The following CCNY variants were observed in gnomAD, a reference collection of about 807,000 sequenced individuals.
The protein encoded by CCNY is cyclin-Y.
A neutral mutation model predicts 42.8 loss-of-function variants in CCNY; 19 were observed. The observed-to-expected ratio is 0.44, with a 90% CI of 0.31 to 0.65. The LOEUF (loss-of-function observed/expected upper bound fraction) is 0.65, where lower values mean the gene tolerates loss of function less well. Among genes scored for constraint, CCNY ranks in the 30% least tolerant of loss-of-function variants. The pLI is 0.07. For synonymous variants in CCNY, 165 were observed against 162.7 expected, an observed-to-expected ratio of 1.01 and a Z score of -0.11; for missense variants, 370 against 437.3, an observed-to-expected ratio of 0.85 and a Z score of 1.37.
upstream of CCNY, among the ~76,000 whole-genome samples, chr10:35,333,821 C>T (rs888600820): frequency 1.3e-5 from 2 of 152,056 alleles, no homozygotes; most frequent in African/African-American, 4.8e-5. Context: ...CAAAGTGTCA[C>T]TGTGTGTCAG....
chr10:35,258,933 T>TG (rs2095717435), intron 3 of CCNY, among the ~76,000 whole-genome samples: 1 of 135,746 alleles, frequency 7.4e-6, no homozygotes, highest in East Asian at 2.1e-4. Flanking sequence ...GAGACTGTCT[T>TG]AAAAAAAAAA....
intron 1 of CCNY, among the ~76,000 whole-genome samples, chr10:35,360,950 TC>T (rs1278724924): frequency 6.6e-6 from 1 of 152,074 alleles, no homozygotes; most frequent in Non-Finnish European, 1.5e-5. Flanking sequence ...AGCCTCTGCC[TC>T]CCGGGTTTAA....
Position 35,336,933 on chromosome 10 carries a change from G to T in CCNY, c.-121G>T. 1 of 649,360 alleles carries T rather than the reference G, an allele frequency of 1.5e-6. No individual in the cohort carries two copies. Among genetic ancestry groups the T allele is most frequent in the Non-Finnish European group, 2.0e-6 (1 of 504,276 alleles). The allele number at this position is 649,360 out of a possible 1,614,324, so 40.2% of individuals were successfully genotyped here. A position where few individuals can be genotyped will look rare whatever the true frequency, so the allele number is the denominator to read the frequency against. On this transcript the variant is annotated 5_prime_UTR_variant, in exon 1 of 10. Coordinates refer to ENST00000374704, the MANE Select transcript of CCNY (RefSeq NM_145012.6). ...GCCGGCCGCCGTTCCGCCCCCTCCC[G>T]TGGCGGCGAGCGGGCGGGCCTCCCC...
At chr10:35,544,483 C>G (rs1564453073) in intron 7 of CCNY, among the ~76,000 whole-genome samples, 1 of 152,132 alleles carries the variant, frequency 6.6e-6, no homozygotes, top group East Asian at 1.9e-4. Context: ...TAAGTGCACT[C>G]TATGGTATTC....
intron 3 of CCNY, among the ~76,000 whole-genome samples, chr10:35,329,711 C>T (rs1456713724): frequency 6.6e-6 from 1 of 152,040 alleles, no homozygotes; most frequent in Non-Finnish European, 1.5e-5. Flanking sequence ...GGGACGAGGT[C>T]ACAGGAGTAA....
chr10:35,536,123 T>A (rs891980603), intron 7 of CCNY, among the ~76,000 whole-genome samples: 2 of 152,176 alleles, frequency 1.3e-5, no homozygotes, highest in African/African-American at 4.8e-5. Context: ...TGGTGGGAGA[T>A]AACTGAAACA....
Position 35,521,627 on chromosome 10 carries a change from C to T in CCNY, c.366-4337C>T, listed in dbSNP as rs115074888. Among the ~76,000 whole-genome samples, 510 of 152,316 alleles carry T rather than the reference C, an allele frequency of 3.3e-3. 4 individuals are homozygous for T. The highest frequency in any genetic ancestry group is 0.012 in the African/African-American group (489 of 41,564). On this transcript the variant is annotated intron_variant, in intron 4 of 9. Coordinates refer to ENST00000374704, the MANE Select transcript of CCNY (RefSeq NM_145012.6). ...TGGGCTGTTCTCTGAGAGACTGGAT[C>T]GTTCTGGCCCTGCGAAGGGGATATG...
intron 3 of CCNY, among the ~76,000 whole-genome samples, chr10:35,271,276 C>T (rs1007598962): frequency 1.3e-5 from 2 of 152,180 alleles, no homozygotes; most frequent in Non-Finnish European, 2.9e-5. Context: ...CCCCAGGAAT[C>T]AGCTCCAGGA....
At position 35,572,193 on chromosome 10, in the gene CCNY, G is replaced by A. The variant is rs1302279149; in HGVS notation, c.*3023G>A. ...CCTGGGGTTTCCTTTAAGCTAAGCTGAAAGCAAAATTTGGGGAGTGAATGA... is the reference window on the plus strand; with the variant it reads ...CCTGGGGTTTCCTTTAAGCTAAGCTAAAAGCAAAATTTGGGGAGTGAATGA... On this transcript the variant is annotated 3_prime_UTR_variant, in exon 10 of 10. Transcript: ENST00000374704. 2 of 152,136 alleles carry A rather than the reference G, an allele frequency of 1.3e-5. No individual in the cohort carries two copies. The highest frequency in any genetic ancestry group is 2.9e-5 in the Non-Finnish European group (2 of 68,038). 9.4% of individuals were successfully genotyped at this position (152,136 alleles called of 1,614,324 possible). A position where few individuals can be genotyped will look rare whatever the true frequency, so the allele number is the denominator to read the frequency against.
intron 1 of CCNY, among the ~76,000 whole-genome samples, chr10:35,436,186 T>C (rs1249893850): frequency 2.0e-5 from 3 of 152,226 alleles, no homozygotes; most frequent in African/African-American, 2.4e-5. Context: ...TGTGGGACCC[T>C]GAGTGCCAAG....
In CCNY at chr10:35,337,143, G is replaced by C. The variant is rs773639536; in HGVS notation, c.90G>C (p.Thr30=). ...HSRLESYRPD[T]DLSREDTGCN... is the part of the protein sequence containing the mutation. Reference sequence around the variant, plus strand: ...GGCTGGAGTCCTACCGGCCAGACACGGACCTGAGCCGCGAGGACACGGGCT... The same window carrying C: ...GGCTGGAGTCCTACCGGCCAGACACCGACCTGAGCCGCGAGGACACGGGCT... The change falls in exon 1 of 10, where the codon ACG becomes ACC. Residue 30 remains threonine, a synonymous_variant. Transcript: ENST00000374704. 2 of 1,586,418 alleles carry C rather than the reference G, an allele frequency of 1.3e-6. No homozygotes were observed. The highest frequency in any genetic ancestry group is 3.5e-5 in the Admixed American group (2 of 56,776).
chr10:35,292,786 T>TG (rs1554774279), intron 3 of CCNY, among the ~76,000 whole-genome samples: 2 of 147,060 alleles, frequency 1.4e-5, no homozygotes, highest in East Asian at 2.0e-4. Context: ...TTTTTGTTTT[T>TG]TTTTTTTTTT....
chr10:35,497,655 G>A (rs994096186), intron 2 of CCNY, among the ~76,000 whole-genome samples: 2 of 148,394 alleles, frequency 1.3e-5, no homozygotes, highest in African/African-American at 5.0e-5. Flanking sequence ...CAGGAGAATT[G>A]CTTGAACCTG....
chr10:35,458,439 G>A (rs1251391615), intron 1 of CCNY, among the ~76,000 whole-genome samples: 1 of 152,222 alleles, frequency 6.6e-6, no homozygotes, highest in African/African-American at 2.4e-5. Context: ...AATAAGAAAT[G>A]TTATTCAGTA....
intron 5 of CCNY, among the ~76,000 whole-genome samples, chr10:35,528,530 C>T (rs974410881): frequency 1.3e-5 from 2 of 152,120 alleles, no homozygotes; most frequent in African/African-American, 2.4e-5. Flanking sequence ...GCTGAAACTC[C>T]GTCTCTACTA....
rs144902785 is a variant in CCNY at position 35,262,322 on chromosome 10, CATTTTATTTTATTTTATTTT to C, written c.-9+11731_-9+11750del. On this transcript the variant is annotated intron_variant, in intron 3 of 11. Transcript: ENST00000374706. ...TGTCACACAGAAGGTCAACATGAGT[CATTTTATTTTATTTTATTTT>C]ATTTTATTTTATTTTATTTTATTTT... 1.0e-4 allele frequency among the ~76,000 whole-genome samples: 11 copies of C among 110,430 alleles called. No homozygotes were observed. The South Asian group carries it at 1.7e-3, about 17-fold the overall frequency. The allele number at this position is 110,430 out of a possible 152,430, so 72.4% of individuals were successfully genotyped here. A position where few individuals can be genotyped will look rare whatever the true frequency, so the allele number is the denominator to read the frequency against.
At chr10:35,424,808 T>C (rs1332503699) in intron 1 of CCNY, among the ~76,000 whole-genome samples, 1 of 152,140 alleles carries the variant, frequency 6.6e-6, no homozygotes, top group African/African-American at 2.4e-5. Flanking sequence ...TTGTGTACAG[T>C]GTGTTCTTTA....
At chr10:35,416,599 G>A (rs1838030444) in intron 1 of CCNY, among the ~76,000 whole-genome samples, 1 of 152,118 alleles carries the variant, frequency 6.6e-6, no homozygotes, top group Non-Finnish European at 1.5e-5. Context: ...GCAAATGGTG[G>A]TGAAGATACC....
At chr10:35,457,016 C>T (rs939022029) in intron 1 of CCNY, among the ~76,000 whole-genome samples, 1 of 152,176 alleles carries the variant, frequency 6.6e-6, no homozygotes, top group Non-Finnish European at 1.5e-5. Context: ...CTTTATTCTC[C>T]TCTGAAAATG....
Sources: allele counts gnomAD v4.1 joint callset (sites outside exome capture counted in the v4.1 genomes callset), GRCh38; gene constraint gnomAD v4.1.1; transcripts MANE v1.5; gene names NCBI Gene and HGNC (gene_info 2026-07-23, HGNC 2026-07-21).